The following RBFOX2 variants were observed in gnomAD, a reference collection of about 807,000 sequenced individuals.
RBFOX2 encodes RNA binding fox-1 homolog 2, also known as RNA binding protein fox-1 homolog 2.
RBFOX2 carries 10 observed loss-of-function variants against 49.1 expected under a neutral mutation model. That is an observed-to-expected ratio of 0.20 (90% CI 0.13 to 0.35). RBFOX2 has a LOEUF of 0.35. RBFOX2 is among the 10% of genes least tolerant of loss of function. RBFOX2 has a pLI of 1.00. For synonymous variants in RBFOX2, 183 were observed against 187.4 expected (o/e 0.98, Z 0.19); for missense variants, 323 against 486.9 (o/e 0.66, Z 3.17).
intron 6 of RBFOX2, among the ~76,000 whole-genome samples, chr22:35,764,302 G>A (rs1246463976): frequency 6.6e-6 from 1 of 151,934 alleles, no homozygotes; most frequent in Non-Finnish European, 1.5e-5. Context: ...AAAAACAGCA[G>A]AGCCAGGCAT....
intron 11 of RBFOX2, among the ~76,000 whole-genome samples, chr22:35,745,565 C>T (rs1009016909): frequency 6.6e-6 from 1 of 152,192 alleles, no homozygotes; most frequent in Non-Finnish European, 1.5e-5. Context: ...CAGCCTTATG[C>T]TCCATGCTCC....
Position 35,932,238 on chromosome 22 carries a change from T to TA in RBFOX2, c.-34+6608dup, listed in dbSNP as rs1327028995. Reference sequence around the variant, plus strand: ...ATTTGCTGTTGTCCACAGCTCCCAATAAAAAAAAAGCCTTGAAAGTTCATT... The same window carrying TA: ...ATTTGCTGTTGTCCACAGCTCCCAATAAAAAAAAAAGCCTTGAAAGTTCATT... On this transcript the variant is annotated intron_variant, in intron 1 of 13. Coordinates refer to the RBFOX2 transcript ENST00000359369. Among the ~76,000 whole-genome samples, 96 of 143,596 alleles carry TA rather than the reference T, an allele frequency of 6.7e-4. 3 individuals carry two copies. In the Middle Eastern group the frequency reaches 0.011, roughly 16 times the overall value. 94.2% of individuals were successfully genotyped at this position (143,596 alleles called of 152,430 possible).
intron 1 of RBFOX2, among the ~76,000 whole-genome samples, chr22:36,023,807 C>T (rs1242265925): frequency 6.6e-6 from 1 of 152,140 alleles, no homozygotes; most frequent in Non-Finnish European, 1.5e-5. Context: ...ACTCCTCTTC[C>T]ACCTACATCA....
intron 2 of RBFOX2, among the ~76,000 whole-genome samples, chr22:35,803,020 C>CACGG (rs1289386906): frequency 6.6e-6 from 1 of 152,098 alleles, no homozygotes; most frequent in Non-Finnish European, 1.5e-5. Flanking sequence ...GCTAGGAAGA[C>CACGG]ACGGGTGCCT....
At chr22:35,936,016 G>A (rs1407891691) in intron 1 of RBFOX2, among the ~76,000 whole-genome samples, 2 of 152,076 alleles carry the variant, frequency 1.3e-5, no homozygotes, top group African/African-American at 4.8e-5. Flanking sequence ...TCTGCAGATG[G>A]TTCTCATCTA....
chr22:35,867,132 T>C (rs994525550), intron 1 of RBFOX2, among the ~76,000 whole-genome samples: 2 of 151,968 alleles, frequency 1.3e-5, no homozygotes, highest in African/African-American at 4.8e-5. Flanking sequence ...AAAAAGAGAA[T>C]AGTACAGCAA....
At chr22:35,913,648 T>C (rs1299144922) in intron 1 of RBFOX2, among the ~76,000 whole-genome samples, 2 of 151,784 alleles carry the variant, frequency 1.3e-5, no homozygotes, top group African/African-American at 2.4e-5. Flanking sequence ...TAAATCTATA[T>C]AGGTTTATAG....
intron 1 of RBFOX2, among the ~76,000 whole-genome samples, chr22:35,814,231 C>A (rs1952509558): frequency 2.0e-5 from 3 of 152,070 alleles, no homozygotes; most frequent in Admixed American, 6.6e-5. Flanking sequence ...AACCTCCCAG[C>A]CCCCGCCCAC....
At chr22:35,882,213 G>A (rs1342460437) in intron 1 of RBFOX2, among the ~76,000 whole-genome samples, 1 of 152,094 alleles carries the variant, frequency 6.6e-6, no homozygotes, top group Non-Finnish European at 1.5e-5. Context: ...AGGAAAGTAT[G>A]ATGTCCTGCA....
chr22:35,900,593 T>TAAA (rs34716261), intron 1 of RBFOX2, among the ~76,000 whole-genome samples: 2 of 136,668 alleles, frequency 1.5e-5, no homozygotes, highest in Non-Finnish European at 1.6e-5. Context: ...GAAGCTGACT[T>TAAA]AAAAAAAAAA....
rs759996180 is a variant in RBFOX2, at chr22:35,750,480, CAA to C, written c.888-3921_888-3920del. The C allele has an allele frequency of 2.2e-5, 35 of 1,591,704 alleles. No individual in the cohort carries two copies. The African/African-American group carries it at 4.0e-4, about 18-fold the overall frequency. ...TATCTGTGTGTGATTTGAAATAAAA[CAA>C]AAAATGGGGATTAGCATGGCCACAG... On this transcript the variant is annotated intron_variant, in intron 9 of 11. Coordinates refer to ENST00000405409, the Ensembl canonical transcript of RBFOX2.
rs956317903 is a variant in RBFOX2 at position 35,749,545 on chromosome 22, G to C, written c.888-2984C>G. 1.3e-5 allele frequency among the ~76,000 whole-genome samples: 2 copies of C among 151,518 alleles called. No homozygotes were observed. The highest frequency in any genetic ancestry group is 4.8e-5 in the African/African-American group (2 of 41,270). On this transcript the variant is annotated intron_variant, in intron 9 of 11. Coordinates refer to ENST00000405409, the Ensembl canonical transcript of RBFOX2. The surrounding 1 kb of genome is among the most constrained non-coding windows in gnomAD (Gnocchi z 4.1). ...CGCACACACACACATACACTTACTC[G>C]AAAGTATTTTTGCTGCTTTATTCAA...
chr22:35,939,896 A>C (rs2053521609), upstream of RBFOX2, among the ~76,000 whole-genome samples: 1 of 152,194 alleles, frequency 6.6e-6, no homozygotes. Flanking sequence ...GGAACTTTTA[A>C]ATGAGGGAAG....
At chr22:35,837,334 CA>C (rs796924004) in intron 1 of RBFOX2, among the ~76,000 whole-genome samples, 19 of 152,212 alleles carry the variant, frequency 1.2e-4, no homozygotes, top group African/African-American at 4.6e-4. Flanking sequence ...ACCTAAGTAG[CA>C]AAACAGTGAA....
chr22:36,026,840 A>C (rs531155622), intron 1 of RBFOX2, among the ~76,000 whole-genome samples: 56 of 152,334 alleles, frequency 3.7e-4, no homozygotes, highest in Middle Eastern at 3.4e-3. Flanking sequence ...GGAGACCAAG[A>C]AGCATACAAC....
At chr22:35,803,997 T>C (rs1950241497) in intron 2 of RBFOX2, among the ~76,000 whole-genome samples, 1 of 152,204 alleles carries the variant, frequency 6.6e-6, no homozygotes, top group African/African-American at 2.4e-5. Context: ...ATTTATGTGT[T>C]GGCTGGGCGC....
At chr22:35,921,160 G>A (rs2050981079) in intron 1 of RBFOX2, among the ~76,000 whole-genome samples, 5 of 152,102 alleles carry the variant, frequency 3.3e-5, no homozygotes, top group Admixed American at 3.3e-4. Flanking sequence ...TTCTATGTAC[G>A]ACTTTGGCAA....
intron 4 of RBFOX2, among the ~76,000 whole-genome samples, chr22:35,774,868 G>C (rs542171749): frequency 1.4e-4 from 21 of 151,862 alleles, no homozygotes; most frequent in Non-Finnish European, 2.5e-4. Context: ...TTTTTGCTTT[G>C]GAACAATTTG....
chr22:35,805,297 A>G (rs930675213), intron 2 of RBFOX2, among the ~76,000 whole-genome samples: 20 of 137,452 alleles, frequency 1.5e-4, no homozygotes, highest in Admixed American at 3.1e-4. Context: ...CTCAAAAAAA[A>G]AAAAAAAAAA....
Sources: gnomAD v4.1 joint callset for allele counts (sites outside exome capture counted in the v4.1 genomes callset) on GRCh38, gnomAD v4.1.1 for gene constraint, Gnocchi (gnomAD v3.1) non-coding constraint, MANE v1.5 for transcripts, NCBI Gene and HGNC (gene_info 2026-07-23, HGNC 2026-07-21) for gene names.